CUL4A: variants seen among roughly 807,000 people sequenced by gnomAD.
CUL4A encodes cullin 4A, also known as cullin-4A.
A neutral mutation model predicts 95.5 loss-of-function variants in CUL4A; 16 were observed. That is an observed-to-expected ratio of 0.17 (90% CI 0.11 to 0.25). The LOEUF (loss-of-function observed/expected upper bound fraction) is 0.25, where lower values mean the gene tolerates loss of function less well. Among genes scored for constraint, CUL4A ranks in the 10% least tolerant of loss-of-function variants. CUL4A has a pLI of 1.00. For missense variants in CUL4A, 610 were observed against 937.0 expected (o/e 0.65, Z 4.56); for synonymous variants, 380 against 353.1 (o/e 1.08, Z -0.85).
At chr13:113,227,937 T>C (rs1437850905) in intron 3 of CUL4A, 39 bp from the exon 4 acceptor site, 4 of 1,339,106 alleles carry the variant, frequency 3.0e-6, no homozygotes, top group Non-Finnish European at 4.2e-6. Flanking sequence ...ATAATTAAAT[T>C]GGCCAGCATT....
chr13:113,241,848 CGT>C (rs113869209), intron 10 of CUL4A, among the ~76,000 whole-genome samples: 1 of 151,850 alleles, frequency 6.6e-6, no homozygotes, highest in South Asian at 2.1e-4. Context: ...AGCTACCTCG[CGT>C]GTGTGTGTGA....
chr13:113,227,825 A>C (rs2041162534), intron 3 of CUL4A, 151 bp from the exon 4 acceptor site: 1 of 472,080 alleles, frequency 2.1e-6, no homozygotes, highest in East Asian at 3.8e-5. Flanking sequence ...GAATCGCTTG[A>C]ACCTGGGAGG....
At chr13:113,212,952 T>G (rs770918612) in intron 2 of CUL4A, among the ~76,000 whole-genome samples, 1 of 152,212 alleles carries the variant, frequency 6.6e-6, no homozygotes, top group Non-Finnish European at 1.5e-5. Flanking sequence ...CTTCATACAT[T>G]TGCACAGGTT....
In CUL4A at chr13:113,264,570, A is replaced by C. The variant is rs966962226; in HGVS notation, c.*988A>C. ...CTGGTTTTGTGTTGTGTATATATACATGAGGTTGAACAGTGAAAGGAAAGT... is the reference window on the plus strand; with the variant it reads ...CTGGTTTTGTGTTGTGTATATATACCTGAGGTTGAACAGTGAAAGGAAAGT... On this transcript the variant is annotated 3_prime_UTR_variant, in exon 20 of 20. Transcript: ENST00000375440. The C allele has an allele frequency of 5.2e-5, 8 of 152,648 alleles. No homozygotes were observed. Among genetic ancestry groups the C allele is most frequent in the Non-Finnish European group, 1.2e-4 (8 of 68,040 alleles). The allele number at this position is 152,648 out of a possible 1,614,324, so 9.5% of individuals were successfully genotyped here. A position where few individuals can be genotyped will look rare whatever the true frequency, so the allele number is the denominator to read the frequency against.
At chr13:113,258,230 G>T (rs1164760946) in intron 18 of CUL4A, among the ~76,000 whole-genome samples, 1 of 152,002 alleles carries the variant, frequency 6.6e-6, no homozygotes, top group South Asian at 2.1e-4. Context: ...GGCTCAAGCA[G>T]TCTTCCTACC....
intron 5 of CUL4A, 189 bp downstream of exon 5, chr13:113,229,708 C>T (rs1041612891): frequency 1.8e-6 from 1 of 564,644 alleles, no homozygotes; most frequent in African/African-American, 1.9e-5. Flanking sequence ...GGTGTCTAGC[C>T]AGCAGCAAGG....
At chr13:113,227,113 A>G (rs1421834063) in intron 3 of CUL4A, among the ~76,000 whole-genome samples, 1 of 152,204 alleles carries the variant, frequency 6.6e-6, no homozygotes, top group Non-Finnish European at 1.5e-5. Flanking sequence ...GGCCGTGGGA[A>G]GGGAAAGCAG....
At position 113,266,892 on chromosome 13, in the gene CUL4A, T is replaced by TTTA. The variant is rs1555308560; in HGVS notation, c.*3312_*3314dup. ...TGTAAATTGACTATTATTGTATAAA[T>TTTA]TTATAGAGTATAAAGTGATCTTATA... On this transcript the variant is annotated 3_prime_UTR_variant, in exon 20 of 20. Coordinates refer to ENST00000375440, the MANE Select transcript of CUL4A (RefSeq NM_001008895.4). 6.6e-6 allele frequency: 1 copy of TTTA among 152,210 alleles called. No individual in the cohort carries two copies. Among genetic ancestry groups the TTTA allele is most frequent in the East Asian group, 1.9e-4 (1 of 5,200 alleles). The allele number at this position is 152,210 out of a possible 1,614,324, so 9.4% of individuals were successfully genotyped here. A position where few individuals can be genotyped will look rare whatever the true frequency, so the allele number is the denominator to read the frequency against.
chr13:113,229,424 G>T lies in CUL4A; in HGVS notation c.439-22G>T, dbSNP rs180741517. 2.6e-3 allele frequency: 4,242 copies of T among 1,608,610 alleles called. 6 individuals carry two copies. The highest frequency in any genetic ancestry group is 3.4e-3 in the Non-Finnish European group (3,998 of 1,176,158). On this transcript the variant is annotated intron_variant, in intron 4 of 19. Transcript: ENST00000375440. ...TTGCTAGTAGAATTCATAAGTAAATGGTTCTCCTTTCTGCTGGTCAGATCA... is the reference window on the plus strand; with the variant it reads ...TTGCTAGTAGAATTCATAAGTAAATTGTTCTCCTTTCTGCTGGTCAGATCA...
chr13:113,208,720 C>A, upstream of CUL4A: 1 of 1,508,346 alleles, frequency 6.6e-7, no homozygotes, highest in Non-Finnish European at 8.9e-7. Flanking sequence ...CCGTCTGGGT[C>A]CTGGCGCCCC....
At chr13:113,215,108 G>T (rs1595346640) in intron 2 of CUL4A, among the ~76,000 whole-genome samples, 1 of 150,532 alleles carries the variant, frequency 6.6e-6, no homozygotes, top group African/African-American at 2.4e-5. Flanking sequence ...GGCTGTGGAG[G>T]TCACTGTGTG....
At chr13:113,253,924 A>C (rs1254932907) in intron 16 of CUL4A, among the ~76,000 whole-genome samples, 1 of 152,256 alleles carries the variant, frequency 6.6e-6, no homozygotes, top group Non-Finnish European at 1.5e-5. Context: ...ATTATCAAAT[A>C]AGTTATACAT....
chr13:113,250,070 C>G (rs1365495044), intron 15 of CUL4A, among the ~76,000 whole-genome samples: 2 of 152,136 alleles, frequency 1.3e-5, no homozygotes, highest in Non-Finnish European at 2.9e-5. Flanking sequence ...TAGTGTGCTT[C>G]TACAAAAGTT....
chr13:113,248,332 A>G (rs555064131), intron 15 of CUL4A, among the ~76,000 whole-genome samples: 1 of 151,874 alleles, frequency 6.6e-6, no homozygotes, highest in African/African-American at 2.4e-5. Context: ...TTATTTACTT[A>G]TTTATTTCTC....
chr13:113,234,781 G>A (rs915478464), intron 7 of CUL4A, among the ~76,000 whole-genome samples: 1 of 152,154 alleles, frequency 6.6e-6, no homozygotes, highest in Non-Finnish European at 1.5e-5. Flanking sequence ...GATGGGAGGA[G>A]GGTGTGCACA....
Position 113,242,980 on chromosome 13 carries a change from G to A in CUL4A, c.1048G>A (p.Ala350Thr). Residue 350 changes from alanine to threonine, a missense_variant, in exon 11 of 20, where the codon GCG becomes ACG. Physicochemically the swap from Ala to Thr is moderately conservative, Grantham distance 58. Transcript: ENST00000375440. ...TTTGCTTTTGTAGACTTTTGGAACA[G>A]CGATCGTAATCAATCCTGAGAAAGA... ...WSEYIKTFGTAIVINPEKDKD... is the reference protein window; with the variant it reads ...WSEYIKTFGTTIVINPEKDKD... 1.2e-6 allele frequency: 2 copies of A among 1,604,534 alleles called. No homozygotes were observed. Among genetic ancestry groups the A allele is most frequent in the East Asian group, 2.2e-5 (1 of 44,602 alleles).
intron 3 of CUL4A, among the ~76,000 whole-genome samples, chr13:113,220,378 G>A (rs1219643693): frequency 1.3e-5 from 2 of 152,196 alleles, no homozygotes; most frequent in Non-Finnish European, 2.9e-5. Flanking sequence ...TCATGAGGTC[G>A]TTCAAGAGAT....
chr13:113,238,029 A>G (rs890471180), intron 9 of CUL4A, among the ~76,000 whole-genome samples: 3 of 152,224 alleles, frequency 2.0e-5, no homozygotes, highest in Non-Finnish European at 2.9e-5. Flanking sequence ...CACGGGTCCA[A>G]TCTGGTTATG....
Position 113,263,759 on chromosome 13 carries a change from A to G in CUL4A, c.*177A>G. ...GCTCAAGACTTCAACCTGCAGATGTATCTTTTTCCCTCCAGTTTTTCCTCT... is the reference window on the plus strand; with the variant it reads ...GCTCAAGACTTCAACCTGCAGATGTGTCTTTTTCCCTCCAGTTTTTCCTCT... On this transcript the variant is annotated 3_prime_UTR_variant, in exon 20 of 20. Coordinates refer to ENST00000375440, the MANE Select transcript of CUL4A (RefSeq NM_001008895.4). 1 of 426,638 alleles carries G rather than the reference A, an allele frequency of 2.3e-6. No individual in the cohort carries two copies. Among genetic ancestry groups the G allele is most frequent in the Admixed American group, 4.3e-5 (1 of 23,370 alleles). The allele number at this position is 426,638 out of a possible 1,614,324, so 26.4% of individuals were successfully genotyped here. A position where few individuals can be genotyped will look rare whatever the true frequency, so the allele number is the denominator to read the frequency against.
Sources: allele counts gnomAD v4.1 joint callset (sites outside exome capture counted in the v4.1 genomes callset), GRCh38; gene constraint gnomAD v4.1.1; transcripts MANE v1.5; gene names NCBI Gene and HGNC (gene_info 2026-07-23, HGNC 2026-07-21).